Variants in ALG13 observed in about 807,000 individuals in gnomAD.
ALG13 encodes the protein UDP-N-acetylglucosamine transferase subunit ALG13.
Under a neutral mutation model 87.8 loss-of-function variants are expected in ALG13, and 11 were observed. The ratio of observed to expected loss-of-function variants is 0.13; its 90% CI spans 0.08 to 0.21. ALG13 has a LOEUF of 0.21. Among genes scored for constraint, ALG13 ranks in the 10% least tolerant of loss-of-function variants. The probability of loss-of-function intolerance (pLI) is 1.00; values close to 1 mark genes in which losing one functional copy is unlikely to be tolerated. For synonymous variants in ALG13, 320 were observed against 306.3 expected, an observed-to-expected ratio of 1.04 and a Z score of -0.47; for missense variants, 756 against 866.1, an observed-to-expected ratio of 0.87 and a Z score of 1.60.
At chrX:111,685,435 C>T (rs748312002) in intron 3 of ALG13, among the ~76,000 whole-genome samples, 26 of 111,886 alleles carry the variant, frequency 2.3e-4, no homozygotes, top group Non-Finnish European at 3.8e-5. Flanking sequence ...TTTCATTATT[C>T]AAGGAAGACA....
chrX:111,686,513 CATTG>C (rs1169400186), intron 3 of ALG13, among the ~76,000 whole-genome samples: 1 of 111,524 alleles, frequency 9.0e-6, no homozygotes, highest in African/African-American at 3.3e-5. Flanking sequence ...GAGGCAGATT[CATTG>C]ATTATTTCAG....
At chrX:111,738,511 C>CT (rs945059808) in intron 23 of ALG13, among the ~76,000 whole-genome samples, 1 of 111,776 alleles carries the variant, frequency 8.9e-6, no homozygotes, top group Non-Finnish European at 1.9e-5. Flanking sequence ...GCAGATAATG[C>CT]TTTAAGAGAA....
chrX:111,760,246 A>G lies in ALG13; in HGVS notation c.*247A>G. ...ATATTGAGCATACTTCATTGTATTCAGCTGTTTTCCTGTCAGCCATTTGTC... is the reference window on the plus strand; with the variant it reads ...ATATTGAGCATACTTCATTGTATTCGGCTGTTTTCCTGTCAGCCATTTGTC... On this transcript the variant is annotated 3_prime_UTR_variant, in exon 27 of 27. Transcript: ENST00000394780. 1 of 334,063 alleles carries G rather than the reference A, an allele frequency of 3.0e-6. No homozygotes were observed. Among genetic ancestry groups the G allele is most frequent in the Non-Finnish European group, 5.1e-6 (1 of 195,285 alleles). 27.5% of individuals were successfully genotyped at this position (334,063 alleles called of 1,213,427 possible).
intron 24 of ALG13, among the ~76,000 whole-genome samples, chrX:111,749,902 G>C: frequency 9.0e-6 from 1 of 111,366 alleles, no homozygotes; most frequent in Admixed American, 9.5e-5. Context: ...TTATCACCTT[G>C]TCCCTGAACA....
Position 111,736,877 on chromosome X carries a change from C to CAGGT in ALG13, c.2695+3_2695+6dup. On this transcript the variant is annotated frameshift_variant and splice_region_variant, in exon 23 of 27. Transcript: ENST00000394780. LOFTEE classifies it high-confidence loss of function. ...GTATCTCCACCTACACACGGCAGGC[C>CAGGT]AGGTAGGTTATTAGCAGATGCTTAC... 8.3e-7 allele frequency: 1 copy of CAGGT among 1,200,563 alleles called. No individual in the cohort carries two copies. The highest frequency in any genetic ancestry group is 1.1e-6 in the Non-Finnish European group (1 of 890,240).
At chrX:111,755,616 A>G (rs781134400) in intron 25 of ALG13, among the ~76,000 whole-genome samples, 11 of 112,776 alleles carry the variant, frequency 9.8e-5, no homozygotes, top group South Asian at 3.7e-4. Flanking sequence ...TGGGCAAAGA[A>G]TATGAACAGA....
intron 8 of ALG13, among the ~76,000 whole-genome samples, chrX:111,716,489 T>G (rs1426270846): frequency 8.9e-6 from 1 of 112,491 alleles, no homozygotes; most frequent in Non-Finnish European, 1.9e-5. Flanking sequence ...GAGTTCCCAG[T>G]TCTTGTAGCC....
At chrX:111,686,760 A>G (rs951404812) in intron 3 of ALG13, among the ~76,000 whole-genome samples, 1 of 112,535 alleles carries the variant, frequency 8.9e-6, no homozygotes, top group African/African-American at 3.2e-5. Flanking sequence ...GTGTTAGTAC[A>G]TTAAAAGGAA....
intron 26 of ALG13, among the ~76,000 whole-genome samples, chrX:111,758,159 A>C (rs1945435796): frequency 8.9e-6 from 1 of 111,907 alleles, no homozygotes; most frequent in African/African-American, 3.2e-5. Context: ...ATTTTTACTA[A>C]ATTTTTATCC....
intron 23 of ALG13, among the ~76,000 whole-genome samples, chrX:111,744,107 G>A (rs1944003256): frequency 9.0e-6 from 1 of 111,089 alleles, no homozygotes; most frequent in Non-Finnish European, 1.9e-5. Context: ...AAAGCTAAAG[G>A]GATAAGATAT....
chrX:111,696,982 C>CTTTTTTTTTT (rs55888261), intron 3 of ALG13, among the ~76,000 whole-genome samples: 1 of 74,157 alleles, frequency 1.3e-5, no homozygotes, highest in Non-Finnish European at 2.6e-5. Context: ...TGGTTCTTAC[C>CTTTTTTTTTT]TTTTTTTTTT....
At chrX:111,695,522 TAA>T (rs750000273) in intron 3 of ALG13, among the ~76,000 whole-genome samples, 1 of 92,543 alleles carries the variant, frequency 1.1e-5, no homozygotes, top group Admixed American at 1.2e-4. Context: ...AAACTCTGTT[TAA>T]AAAAAAAAAA....
intron 25 of ALG13, among the ~76,000 whole-genome samples, chrX:111,754,149 A>G (rs1057207196): frequency 1.8e-5 from 2 of 112,029 alleles, no homozygotes; most frequent in African/African-American, 6.5e-5. Context: ...AATCCATCAC[A>G]TAAACAGAAC....
chrX:111,730,172 A>C (rs1455975723), intron 19 of ALG13, among the ~76,000 whole-genome samples: 1 of 111,934 alleles, frequency 8.9e-6, no homozygotes, highest in Non-Finnish European at 1.9e-5. Flanking sequence ...CTAAGAGCTA[A>C]GTGGATTTTC....
At chrX:111,688,583 A>T (rs1230074774) in intron 3 of ALG13, 12 of 749,213 alleles carry the variant, frequency 1.6e-5, no homozygotes, top group Non-Finnish European at 1.7e-5. Context: ...TTTCTAAAAC[A>T]TACAAAGTGA....
At chrX:111,740,147 A>AT (rs780923030) in intron 23 of ALG13, among the ~76,000 whole-genome samples, 1 of 110,611 alleles carries the variant, frequency 9.0e-6, no homozygotes, top group Admixed American at 9.6e-5. Flanking sequence ...AGATGTAGTT[A>AT]TTTTTTTAAA....
intron 7 of ALG13, among the ~76,000 whole-genome samples, chrX:111,712,732 A>C (rs969717584): frequency 1.8e-5 from 2 of 112,187 alleles, no homozygotes; most frequent in African/African-American, 6.5e-5. Flanking sequence ...AAAATTATAT[A>C]AAATTCAGAT....
Position 111,725,041 on chromosome X carries a change from G to A in ALG13, c.1709G>A (p.Gly570Glu). The change falls in exon 15 of 27, where the codon GGG (glycine) becomes GAG (glutamate). Residue 570 changes from glycine (G) to glutamate (E), a missense_variant. This residue lies in a region of ALG13 where 362 missense variants were observed against 383.5 expected (regional missense o/e 0.94). Coordinates refer to ENST00000394780, the MANE Select transcript of ALG13 (RefSeq NM_001099922.3). ...GGAAGAGGTTACCAGAAAATGCCTG[G>A]GGGTTATGTCCCGGAAATAGGTTTG... ...RKGRGYQKMP[G>E]GYVPEIVISE... 1.7e-6 allele frequency: 2 copies of A among 1,211,042 alleles called. No individual in the cohort carries two copies. The highest frequency in any genetic ancestry group is 4.3e-5 in the Admixed American group (2 of 45,997).
Position 111,713,572 on chromosome X carries a change from G to C in ALG13, c.1005+275G>C, listed in dbSNP as rs770963574. Among the ~76,000 whole-genome samples, 62 of 111,522 alleles carry C rather than the reference G, an allele frequency of 5.6e-4. 1 individual carries two copies. Among genetic ancestry groups the C allele is most frequent in the Admixed American group, 5.2e-3 (55 of 10,502 alleles). The stretch of plus-strand genomic sequence containing the variant: ...AAAAGGATAAGGTTCAAACTTTGAA[G>C]CTAGGCATTCAGCATCCTGAAAGGT... On this transcript the variant is annotated intron_variant, in intron 8 of 26. Coordinates refer to ENST00000394780, the MANE Select transcript of ALG13 (RefSeq NM_001099922.3).
Sources: gnomAD v4.1 joint callset for allele counts (sites outside exome capture counted in the v4.1 genomes callset) on GRCh38, gnomAD v4.1.1 for gene constraint, gnomAD v4.1.1 regional missense constraint, MANE v1.5 for transcripts, NCBI Gene and HGNC (gene_info 2026-07-23, HGNC 2026-07-21) for gene names.